Variants in AGAP1 observed in about 807,000 individuals in gnomAD.
AGAP1 encodes arf-GAP with GTPase, ANK repeat and PH domain-containing protein 1.
In AGAP1, 29 loss-of-function variants were observed where a neutral mutation model predicts 105.3. The observed-to-expected ratio is 0.28, with a 90% CI of 0.21 to 0.38. AGAP1 has a LOEUF of 0.38. Among genes scored for constraint, AGAP1 ranks in the 10% least tolerant of loss-of-function variants. The pLI is 1.00. For synonymous variants in AGAP1, 509 were observed against 485.9 expected, an observed-to-expected ratio of 1.05 and a Z score of -0.63; for missense variants, 998 against 1,165.1, an observed-to-expected ratio of 0.86 and a Z score of 2.09.
intron 1 of AGAP1, among the ~76,000 whole-genome samples, chr2:235,558,127 T>G (rs10803647): frequency 0.86 from 131,359 of 152,148 alleles, 57,166 homozygotes; most frequent in East Asian, 0.99. Context: ...AAGGGGCCTT[T>G]CTGTGTGCCT....
chr2:236,008,400 C>T (rs565179998), intron 13 of AGAP1, among the ~76,000 whole-genome samples: 2 of 152,326 alleles, frequency 1.3e-5, no homozygotes, highest in East Asian at 3.9e-4. Context: ...TTCTGTTTTT[C>T]ACCGATGCAT....
At chr2:235,950,526 G>C (rs1052466071) in intron 12 of AGAP1, among the ~76,000 whole-genome samples, 3 of 152,102 alleles carry the variant, frequency 2.0e-5, no homozygotes, top group African/African-American at 7.2e-5. Context: ...CCCTGATTCT[G>C]GATGAGAGGT....
At chr2:235,671,771 A>G (rs1948445746) in intron 1 of AGAP1, among the ~76,000 whole-genome samples, 1 of 152,238 alleles carries the variant, frequency 6.6e-6, no homozygotes, top group African/African-American at 2.4e-5. Context: ...CTGAAACCTC[A>G]GGTCTGTGTT....
chr2:235,839,195 G>C (rs995163059), intron 9 of AGAP1, among the ~76,000 whole-genome samples: 1 of 152,306 alleles, frequency 6.6e-6, no homozygotes, highest in Non-Finnish European at 1.5e-5. Flanking sequence ...GAATGAGTTT[G>C]AAATAGAAAG....
At chr2:235,878,661 G>A (rs1184772359) in intron 9 of AGAP1, among the ~76,000 whole-genome samples, 5 of 152,178 alleles carry the variant, frequency 3.3e-5, no homozygotes, top group Non-Finnish European at 7.3e-5. Context: ...TGCACTCTCA[G>A]TTAAGGGAAA....
intron 1 of AGAP1, among the ~76,000 whole-genome samples, chr2:235,606,897 C>T (rs1465353607): frequency 4.2e-5 from 6 of 141,540 alleles, no homozygotes; most frequent in South Asian, 2.3e-4. Context: ...GCTGAGATCA[C>T]GCCACTGCAC....
intron 16 of AGAP1, among the ~76,000 whole-genome samples, chr2:236,074,797 G>A (rs974511596): frequency 6.6e-6 from 1 of 152,190 alleles, no homozygotes; most frequent in Admixed American, 6.5e-5. Flanking sequence ...GCTCATGCCT[G>A]TAATTCCAGC....
intron 2 of AGAP1, 127 bp downstream of exon 2, chr2:235,709,364 C>T: frequency 9.0e-7 from 1 of 1,105,580 alleles, no homozygotes; most frequent in South Asian, 1.3e-5. Flanking sequence ...TGGGTGTGTT[C>T]CTGGGAAGGG....
intron 1 of AGAP1, among the ~76,000 whole-genome samples, chr2:235,706,745 A>T (rs1950556222): frequency 6.6e-6 from 1 of 152,190 alleles, no homozygotes; most frequent in Non-Finnish European, 1.5e-5. Flanking sequence ...GTTACAGTGC[A>T]GCAACAGAGT....
chr2:235,817,497 C>T (rs1278920453), intron 9 of AGAP1, among the ~76,000 whole-genome samples: 1 of 151,592 alleles, frequency 6.6e-6, no homozygotes, highest in African/African-American at 2.4e-5. Context: ...TCACTGAAGG[C>T]CATGTTTTGA....
rs929385970 is a variant in AGAP1 at position 235,736,684 on chromosome 2, A to G, written c.311-4279A>G. ...AGCCTGGGCAACACAATGAGGCCCC[A>G]TCTCATCTATCCAGGTGTGGCGGCA... is the stretch of plus-strand genomic sequence containing the variant. On this transcript the variant is annotated intron_variant, in intron 3 of 17. Coordinates refer to ENST00000304032, the MANE Select transcript of AGAP1 (RefSeq NM_001037131.3). This position sits in a 1 kb window ranked among gnomAD's most constrained non-coding sequence, Gnocchi z 5.5. Among the ~76,000 whole-genome samples the G allele has an allele frequency of 6.6e-6, 1 of 152,130 alleles. No individual in the cohort carries two copies. Among genetic ancestry groups the G allele is most frequent in the Admixed American group, 6.5e-5 (1 of 15,284 alleles).
chr2:235,845,910 C>T lies in AGAP1; in HGVS notation c.1051-37435C>T, dbSNP rs981190252. 1.3e-5 allele frequency among the ~76,000 whole-genome samples: 2 copies of T among 152,070 alleles called. No homozygotes were observed. The highest frequency in any genetic ancestry group is 4.8e-5 in the African/African-American group (2 of 41,390). Reference sequence around the variant, plus strand: ...GTAGCCCTCAGATATGCCCTCCTTCCTGCACCCCCAGAGTGGCCCCTCCAC... The same window carrying T: ...GTAGCCCTCAGATATGCCCTCCTTCTTGCACCCCCAGAGTGGCCCCTCCAC... On this transcript the variant is annotated intron_variant, in intron 9 of 17. Coordinates refer to ENST00000304032, the MANE Select transcript of AGAP1 (RefSeq NM_001037131.3). This position sits in a 1 kb window ranked among gnomAD's most constrained non-coding sequence, Gnocchi z 4.8.
At chr2:235,648,280 CTGT>C (rs1947459841) in intron 1 of AGAP1, among the ~76,000 whole-genome samples, 1 of 152,114 alleles carries the variant, frequency 6.6e-6, no homozygotes, top group African/African-American at 2.4e-5. Context: ...CTTTTGTCTG[CTGT>C]TGTTTAGGAT....
At chr2:235,562,937 G>C (rs1944211468) in intron 1 of AGAP1, among the ~76,000 whole-genome samples, 1 of 152,106 alleles carries the variant, frequency 6.6e-6, no homozygotes, top group African/African-American at 2.4e-5. Flanking sequence ...GTGTGCGCCT[G>C]TAGTCCCAGC....
intron 13 of AGAP1, among the ~76,000 whole-genome samples, chr2:236,016,471 T>A (rs1287372638): frequency 6.6e-6 from 1 of 151,596 alleles, no homozygotes; most frequent in East Asian, 1.9e-4. Context: ...TTGTGAGGTC[T>A]GGTTTCAAAT....
intron 5 of AGAP1, among the ~76,000 whole-genome samples, chr2:235,749,551 C>T (rs1953255991): frequency 6.6e-6 from 1 of 152,038 alleles, no homozygotes; most frequent in African/African-American, 2.4e-5. Context: ...CCTCTCCACA[C>T]ACCTCCCTCC....
rs997993403 is a variant in AGAP1 at position 235,891,655 on chromosome 2, G to A, written c.1155+8206G>A. The stretch of plus-strand genomic sequence containing the variant: ...TTCCCTGCTGACAAAGATGTGTGCA[G>A]TGAGATTCCTAAGTGGACCTGGAAG... On this transcript the variant is annotated intron_variant, in intron 10 of 17. Coordinates refer to ENST00000304032, the MANE Select transcript of AGAP1 (RefSeq NM_001037131.3). This position sits in a 1 kb window ranked among gnomAD's most constrained non-coding sequence, Gnocchi z 4.2. Among the ~76,000 whole-genome samples the A allele has an allele frequency of 2.0e-5, 3 of 152,212 alleles. No homozygotes were observed. Among genetic ancestry groups the A allele is most frequent in the African/African-American group, 7.2e-5 (3 of 41,450 alleles).
chr2:236,039,724 G>T (rs1173572855), intron 14 of AGAP1, among the ~76,000 whole-genome samples: 2 of 152,154 alleles, frequency 1.3e-5, no homozygotes. Context: ...TCGTTAGGCT[G>T]GAAAGGGCAG....
intron 10 of AGAP1, among the ~76,000 whole-genome samples, chr2:235,895,750 A>ATGGATGGATGG (rs1403050664): frequency 5.1e-4 from 42 of 83,026 alleles, no homozygotes; most frequent in Admixed American, 1.5e-3. Flanking sequence ...TGGATGGATG[A>ATGGATGGATGG]ATGGAGGCAC....
Sources: allele counts gnomAD v4.1 joint callset (sites outside exome capture counted in the v4.1 genomes callset), GRCh38; gene constraint gnomAD v4.1.1; non-coding constraint Gnocchi (gnomAD v3.1); transcripts MANE v1.5; gene names NCBI Gene and HGNC (gene_info 2026-07-23, HGNC 2026-07-21).